Variants in EEF1A1 observed in about 807,000 individuals in gnomAD.
EEF1A1 encodes the protein eukaryotic translation elongation factor 1 alpha 1.
Under a neutral mutation model 38.5 loss-of-function variants are expected in EEF1A1, and 1 was observed. The ratio of observed to expected loss-of-function variants is 0.03; its 90% CI spans 0.01 to 0.12. EEF1A1 has a LOEUF of 0.12. Ranked by LOEUF, EEF1A1 falls within the 10% of genes least tolerant of loss-of-function variation. The pLI is 1.00. For missense variants in EEF1A1, 184 were observed against 588.3 expected (o/e 0.31, Z 7.11); for synonymous variants, 229 against 203.7 (o/e 1.12, Z -1.06).
Position 73,517,511 on chromosome 6 carries a change from C to A in EEF1A1, c.*299G>T, listed in dbSNP as rs541067582. The A allele has an allele frequency of 1.9e-5, 6 of 322,350 alleles. No individual in the cohort carries two copies. The Admixed American group carries it at 2.3e-4, about 12-fold the overall frequency. The allele number at this position is 322,350 out of a possible 1,614,324, so 20.0% of individuals were successfully genotyped here. Reference sequence around the variant, plus strand: ...TCTCGGTGTTGACCAAAGGAACACACAGGTTTCTCATTTAACTTTTTTAAT... The same window carrying A: ...TCTCGGTGTTGACCAAAGGAACACAAAGGTTTCTCATTTAACTTTTTTAAT... On this transcript the variant is annotated 3_prime_UTR_variant, in exon 8 of 8. Transcript: ENST00000309268.
Position 73,516,711 on chromosome 6 carries a change from T to C in EEF1A1, c.*1099A>G, listed in dbSNP as rs1582712194. 6.6e-6 allele frequency: 1 copy of C among 151,922 alleles called. No individual in the cohort carries two copies. The highest frequency in any genetic ancestry group is 1.9e-4 in the East Asian group (1 of 5,146). The allele number at this position is 151,922 out of a possible 1,614,324, so 9.4% of individuals were successfully genotyped here. The stretch of plus-strand genomic sequence containing the variant: ...AAAAACCTTTAGACACTTTTACATA[T>C]GGGAGGTCAGGCACAGTGGCTCATG... On this transcript the variant is annotated 3_prime_UTR_variant, in exon 8 of 8. Coordinates refer to ENST00000309268, the MANE Select transcript of EEF1A1 (RefSeq NM_001402.6).
In EEF1A1 at chr6:73,518,318, C is replaced by G. The variant is rs189179228; in HGVS notation, c.1029+36G>C. On this transcript the variant is annotated intron_variant, in intron 6 of 7. Transcript: ENST00000309268. ...AATCCAAAGTCTCAAATGACTTTAGCCTCTGCAATAAGTTAATGTTACTTT... is the reference window on the plus strand; with the variant it reads ...AATCCAAAGTCTCAAATGACTTTAGGCTCTGCAATAAGTTAATGTTACTTT... 5 of 1,611,928 alleles carry G rather than the reference C, an allele frequency of 3.1e-6. No individual in the cohort carries two copies. The Admixed American group carries it at 8.3e-5, about 27-fold the overall frequency.
In EEF1A1 at chr6:73,518,192, T is replaced by C. The variant is rs201275258; in HGVS notation, c.1102A>G (p.Ile368Val). 5.0e-6 allele frequency: 8 copies of C among 1,613,848 alleles called. No individual in the cohort carries two copies. Among genetic ancestry groups the C allele is most frequent in the Non-Finnish European group, 5.1e-6 (6 of 1,179,958 alleles). The change falls in exon 7 of 8, where the codon ATT becomes GTT. Residue 368 changes from isoleucine (I) to valine (V), a missense_variant. Physicochemically the swap from Ile to Val is conservative, Grantham distance 29. Transcript: ENST00000309268. ...APVLDCHTAHIACKFAELKEK... is the reference protein window; with the variant it reads ...APVLDCHTAHVACKFAELKEK... Reference sequence around the variant, plus strand: ...TTCAGCTCAGCAAACTTGCATGCAATGTGAGCCGTGTGGCAATCCAATACA... The same window carrying C: ...TTCAGCTCAGCAAACTTGCATGCAACGTGAGCCGTGTGGCAATCCAATACA...
At position 73,516,444 on chromosome 6, in the gene EEF1A1, T is replaced by C. The variant is rs900352907; in HGVS notation, c.*1366A>G. ...GACCAACATGGAAAAACCTCATCTC[T>C]ATTAAAAACACCAAATTAGCACATG... On this transcript the variant is annotated 3_prime_UTR_variant, in exon 8 of 8. Coordinates refer to ENST00000309268, the MANE Select transcript of EEF1A1 (RefSeq NM_001402.6). The C allele has an allele frequency of 6.6e-6, 1 of 152,040 alleles. No homozygotes were observed. The highest frequency in any genetic ancestry group is 1.5e-5 in the Non-Finnish European group (1 of 68,042). 9.4% of individuals were successfully genotyped at this position (152,040 alleles called of 1,614,324 possible). A position where few individuals can be genotyped will look rare whatever the true frequency, so the allele number is the denominator to read the frequency against.
intron 2 of EEF1A1, 128 bp downstream of exon 2, chr6:73,519,755 T>C (rs1187302342): frequency 1.4e-6 from 2 of 1,407,074 alleles, no homozygotes; most frequent in South Asian, 1.4e-5. Flanking sequence ...GCAAAATTAT[T>C]TCATAAGTAA....
rs375746023 is a variant in EEF1A1, at chr6:73,518,237, T to A, written c.1057A>T (p.Ile353Leu). ...QVIILNHPGQISAGYAPVLDC... is the reference protein window; with the variant it reads ...QVIILNHPGQLSAGYAPVLDC... The stretch of plus-strand genomic sequence containing the variant: ...AATACAGGGGCATAGCCGGCGCTTA[T>A]TTGGCCTGGATGGTTCAGGATAATC... The change falls in exon 7 of 8, where the codon ATA (isoleucine) becomes TTA (leucine). Residue 353 changes from isoleucine (I) to leucine (L), a missense_variant. Coordinates refer to ENST00000309268, the MANE Select transcript of EEF1A1 (RefSeq NM_001402.6). 9.3e-6 allele frequency: 15 copies of A among 1,614,164 alleles called. No individual in the cohort carries two copies. The highest frequency in any genetic ancestry group is 1.3e-5 in the Non-Finnish European group (15 of 1,180,018).
At position 73,517,790 on chromosome 6, in the gene EEF1A1, G is replaced by C; in HGVS notation, c.*20C>G. 2.2e-6 allele frequency: 3 copies of C among 1,338,744 alleles called. No individual in the cohort carries two copies. The highest frequency in any genetic ancestry group is 3.1e-6 in the Non-Finnish European group (3 of 958,746). 82.9% of individuals were successfully genotyped at this position (1,338,744 alleles called of 1,614,324 possible). A position where few individuals can be genotyped will look rare whatever the true frequency, so the allele number is the denominator to read the frequency against. On this transcript the variant is annotated 3_prime_UTR_variant, in exon 8 of 8. Transcript: ENST00000309268. ...TCCACCACTGATTAAGAGTGGGGTG[G>C]CAGGTATTAGGGATAATATTCATTT...
At chr6:73,520,812 C>G (rs1213667196) in intron 1 of EEF1A1, 188 bp downstream of exon 1, 1 of 152,508 alleles carries the variant, frequency 6.6e-6, no homozygotes, top group African/African-American at 2.4e-5. Flanking sequence ...CCAAGCCAGG[C>G]CTCAACTCAA....
Position 73,520,080 on chromosome 6 carries a change from G to T in EEF1A1, c.-30-24C>A. 7 of 1,568,124 alleles carry T rather than the reference G, an allele frequency of 4.5e-6. No individual in the cohort carries two copies. The Admixed American group carries it at 1.3e-4, about 29-fold the overall frequency. ...ACCTGAAATGGAAGAAAAAAACTTT[G>T]AACCACTGTCTGAGGCTTGAGAATG... On this transcript the variant is annotated intron_variant, in intron 1 of 7. Transcript: ENST00000309268.
chr6:73,520,786 G>C (rs1327978410), intron 1 of EEF1A1: 2 of 152,396 alleles, frequency 1.3e-5, no homozygotes. Context: ...AGATTCGCAC[G>C]CGGCGGCCCC....
intron 2 of EEF1A1, 130 bp from the exon 3 acceptor site, chr6:73,519,646 G>T: frequency 8.2e-7 from 1 of 1,223,074 alleles, no homozygotes; most frequent in Admixed American, 2.4e-5. Context: ...GTCACTTTGG[G>T]TTACAGAAGC....
chr6:73,520,318 G>A (rs1024495617), intron 1 of EEF1A1: 27 of 296,484 alleles, frequency 9.1e-5, no homozygotes, highest in African/African-American at 4.8e-4. Context: ...ATGAAGCGAC[G>A]GCTGAGGACG....
rs887148454 is a variant in EEF1A1, at chr6:73,520,036, T to C, written c.-10A>G. ...TCTTTTCCTTTCCCATTTTGGCTTT[T>C]AGGGGTAGTTTTCACGACACCTGAA... On this transcript the variant is annotated 5_prime_UTR_variant, in exon 2 of 8. Coordinates refer to ENST00000309268, the MANE Select transcript of EEF1A1 (RefSeq NM_001402.6). 7.6e-6 allele frequency: 12 copies of C among 1,588,736 alleles called. No individual in the cohort carries two copies. The East Asian group carries it at 8.9e-5, about 12-fold the overall frequency.
chr6:73,520,623 C>G (rs1248546402), intron 1 of EEF1A1: 1 of 152,552 alleles, frequency 6.6e-6, no homozygotes, highest in Non-Finnish European at 1.5e-5. Flanking sequence ...CCGTCGCCGC[C>G]CGCGGCCCCA....
chr6:73,520,086 C>G, intron 1 of EEF1A1, 30 bp from the exon 2 acceptor site: 1 of 1,550,836 alleles, frequency 6.4e-7, no homozygotes, highest in Non-Finnish European at 8.6e-7. Flanking sequence ...CTTTGAACCA[C>G]TGTCTGAGGC....
chr6:73,520,893 G>A (rs966447415), intron 1 of EEF1A1, 107 bp downstream of exon 1: 1 of 152,644 alleles, frequency 6.6e-6, no homozygotes. Flanking sequence ...CGAAGCTCGG[G>A]ATCAAGAATC....
Position 73,516,193 on chromosome 6 carries a change from A to T in EEF1A1, c.*1617T>A, listed in dbSNP as rs1765509027. ...CAGACTCAGATGAGGGAAAACGATAACACTTCATTACAGACTTGTCTATGG... is the reference window on the plus strand; with the variant it reads ...CAGACTCAGATGAGGGAAAACGATATCACTTCATTACAGACTTGTCTATGG... On this transcript the variant is annotated 3_prime_UTR_variant, in exon 8 of 8. Transcript: ENST00000309268. 6.6e-6 allele frequency: 1 copy of T among 151,054 alleles called. No individual in the cohort carries two copies. Among genetic ancestry groups the T allele is most frequent in the Non-Finnish European group, 1.5e-5 (1 of 67,598 alleles). The allele number at this position is 151,054 out of a possible 1,614,324, so 9.4% of individuals were successfully genotyped here. A position where few individuals can be genotyped will look rare whatever the true frequency, so the allele number is the denominator to read the frequency against.
At position 73,518,867 on chromosome 6, in the gene EEF1A1, A is replaced by G. The variant is rs1765587156; in HGVS notation, c.622-19T>C. ...AAGGCATCTGAAACACAAGCATGCC[A>G]ATTTGTGTAAGCATGAAATCGCCAT... On this transcript the variant is annotated intron_variant, in intron 4 of 7. Transcript: ENST00000309268. 1 of 1,612,660 alleles carries G rather than the reference A, an allele frequency of 6.2e-7. No individual in the cohort carries two copies. Among genetic ancestry groups the G allele is most frequent in the Non-Finnish European group, 8.5e-7 (1 of 1,178,704 alleles).
chr6:73,519,248 A>C lies in EEF1A1; in HGVS notation c.325-20T>G, dbSNP rs1182045875. 2 of 1,607,388 alleles carry C rather than the reference A, an allele frequency of 1.2e-6. No homozygotes were observed. Among genetic ancestry groups the C allele is most frequent in the African/African-American group, 2.7e-5 (2 of 74,828 alleles). On this transcript the variant is annotated intron_variant, in intron 3 of 7. Transcript: ENST00000309268. ...GTCAGCCTTTAAAGAAAGCAAAGAC[A>C]TATCCCTGTCAACTCTCCAAATGAC...
Sources: gnomAD v4.1 joint callset for allele counts on GRCh38, gnomAD v4.1.1 for gene constraint, MANE v1.5 for transcripts, NCBI Gene and HGNC (gene_info 2026-07-23, HGNC 2026-07-21) for gene names.